Variants in CNTNAP2 observed in about 807,000 individuals in gnomAD.
CNTNAP2 encodes the protein contactin associated protein 2.
In CNTNAP2, 98 loss-of-function variants were observed where a neutral mutation model predicts 155.2. The observed-to-expected ratio is 0.63, with a 90% CI of 0.54 to 0.75. The LOEUF is 0.75. Among genes scored for constraint, CNTNAP2 ranks in the 30% least tolerant of loss-of-function variants. The pLI, the probability that CNTNAP2 is intolerant of heterozygous loss-of-function variation, is 0.00. For missense variants in CNTNAP2, 1,727 were observed against 1,688.1 expected (o/e 1.02, Z -0.40); for synonymous variants, 651 against 631.2 (o/e 1.03, Z -0.47).
intron 1 of CNTNAP2, among the ~76,000 whole-genome samples, chr7:146,727,267 C>T (rs920277286): frequency 6.6e-6 from 1 of 152,008 alleles, no homozygotes. Flanking sequence ...TTATGTACAC[C>T]GATTTTGGTA....
rs528153907 is a variant in CNTNAP2 at position 146,462,061 on chromosome 7, G to A, written c.98-312210G>A. On this transcript the variant is annotated intron_variant, in intron 1 of 23. Coordinates refer to ENST00000361727, the MANE Select transcript of CNTNAP2 (RefSeq NM_014141.6). ...TTCATTGAAGAAACTTCTATTTGGC[G>A]TAGTGAAAAGACATATTCTCTGAGG... Among the ~76,000 whole-genome samples, 258 of 152,020 alleles carry A rather than the reference G, an allele frequency of 1.7e-3. 2 individuals are homozygous for A. The highest frequency in any genetic ancestry group is 6.0e-3 in the African/African-American group (247 of 41,454).
At chr7:146,441,187 A>T (rs940110283) in intron 1 of CNTNAP2, among the ~76,000 whole-genome samples, 1 of 151,612 alleles carries the variant, frequency 6.6e-6, no homozygotes, top group South Asian at 2.1e-4. Context: ...AACTATAAAC[A>T]TATGTAATGA....
intron 20 of CNTNAP2, among the ~76,000 whole-genome samples, chr7:148,265,868 G>A (rs952795884): frequency 4.6e-5 from 7 of 152,294 alleles, no homozygotes; most frequent in East Asian, 1.9e-4. Flanking sequence ...ACTATTCATC[G>A]TAGTATGATG....
chr7:146,954,478 G>A (rs1568783), intron 3 of CNTNAP2, among the ~76,000 whole-genome samples: 151,909 of 152,074 alleles, frequency 1, 75,873 homozygotes, highest in Middle Eastern at 1. Flanking sequence ...ACTTCTTTAC[G>A]TAAATATTCT....
intron 8 of CNTNAP2, among the ~76,000 whole-genome samples, chr7:147,213,251 C>T (rs890673226): frequency 6.6e-5 from 10 of 152,126 alleles, no homozygotes; most frequent in African/African-American, 1.4e-4. Flanking sequence ...CAAATTCACC[C>T]TCTCTTCGTC....
chr7:147,134,545 A>T (rs1362944620), intron 8 of CNTNAP2, among the ~76,000 whole-genome samples: 3 of 151,790 alleles, frequency 2.0e-5, no homozygotes, highest in African/African-American at 7.2e-5. Flanking sequence ...ACATACATAC[A>T]TAGTGGAAAC....
chr7:148,002,203 C>A lies in CNTNAP2; in HGVS notation c.2383+24214C>A, dbSNP rs536258312. Reference sequence around the variant, plus strand: ...GTTTGATGGTTTAACTATGTTTTCTCCTTCATTTCTCCCATCCACCCTCCA... The same window carrying A: ...GTTTGATGGTTTAACTATGTTTTCTACTTCATTTCTCCCATCCACCCTCCA... On this transcript the variant is annotated intron_variant, in intron 15 of 23. Coordinates refer to ENST00000361727, the MANE Select transcript of CNTNAP2 (RefSeq NM_014141.6). Among the ~76,000 whole-genome samples the A allele has an allele frequency of 2.0e-5, 3 of 152,272 alleles. No individual in the cohort carries two copies. In the South Asian group the frequency reaches 6.2e-4, roughly 32 times the overall value.
chr7:147,499,168 T>G (rs1420537847), intron 11 of CNTNAP2, among the ~76,000 whole-genome samples: 1 of 152,182 alleles, frequency 6.6e-6, no homozygotes, highest in East Asian at 1.9e-4. Flanking sequence ...GAGCTTGTTA[T>G]CCACAGACTT....
At chr7:147,814,574 A>C (rs1297664153) in intron 13 of CNTNAP2, among the ~76,000 whole-genome samples, 1 of 152,052 alleles carries the variant, frequency 6.6e-6, no homozygotes, top group East Asian at 1.9e-4. Context: ...GCCCTTTAAA[A>C]CCTTCATTTT....
Position 147,113,739 on chromosome 7 carries a change from C to T in CNTNAP2, c.754+5389C>T, listed in dbSNP as rs140171725. ...ATACGATTTGGGTGGGAACACAGAG[C>T]CAGATCATATCAACCAGCTCCAGGA... On this transcript the variant is annotated intron_variant, in intron 5 of 23. Transcript: ENST00000361727. Among the ~76,000 whole-genome samples, 803 of 152,170 alleles carry T rather than the reference C, an allele frequency of 5.3e-3. 6 individuals are homozygous for T. The highest frequency in any genetic ancestry group is 0.014 in the Middle Eastern group (4 of 294).
At chr7:147,237,021 A>G (rs1337730337) in intron 8 of CNTNAP2, among the ~76,000 whole-genome samples, 3 of 133,818 alleles carry the variant, frequency 2.2e-5, no homozygotes, top group African/African-American at 8.3e-5. Flanking sequence ...GCCACCTATC[A>G]TGCCACTTCC....
chr7:148,118,348 G>A (rs1483885137), intron 16 of CNTNAP2, 60 bp downstream of exon 16: 52 of 1,577,994 alleles, frequency 3.3e-5, no homozygotes, highest in South Asian at 7.8e-5. Flanking sequence ...AGGGTGGTCC[G>A]GGTCCTGATT....
chr7:146,687,457 C>T (rs980687750), intron 1 of CNTNAP2, among the ~76,000 whole-genome samples: 5 of 152,014 alleles, frequency 3.3e-5, no homozygotes, highest in Non-Finnish European at 5.9e-5. Flanking sequence ...CTACAGTCCT[C>T]ATCATTGTCT....
At chr7:148,408,582 G>C (rs1007128006) in intron 22 of CNTNAP2, among the ~76,000 whole-genome samples, 1 of 152,200 alleles carries the variant, frequency 6.6e-6, no homozygotes. Flanking sequence ...GTGCCATCCA[G>C]TAGCCAGAGC....
chr7:146,929,863 A>T (rs1265154234), intron 3 of CNTNAP2, among the ~76,000 whole-genome samples: 1 of 152,200 alleles, frequency 6.6e-6, no homozygotes, highest in Non-Finnish European at 1.5e-5. Context: ...AATAAATGAA[A>T]TGAAGCGAGA....
chr7:148,183,221 C>A (rs564469406), intron 18 of CNTNAP2, among the ~76,000 whole-genome samples: 1 of 152,174 alleles, frequency 6.6e-6, no homozygotes. Context: ...GAGTGAGAGA[C>A]CCCCATGGAT....
At chr7:148,036,299 C>G (rs1028864843) in intron 15 of CNTNAP2, among the ~76,000 whole-genome samples, 2 of 152,158 alleles carry the variant, frequency 1.3e-5, no homozygotes, top group African/African-American at 4.8e-5. Flanking sequence ...TAATTTGAAA[C>G]TGTTCCCCAA....
At chr7:147,037,268 A>T (rs1201765791) in intron 3 of CNTNAP2, among the ~76,000 whole-genome samples, 1 of 151,972 alleles carries the variant, frequency 6.6e-6, no homozygotes. Flanking sequence ...CATCCATCAG[A>T]CTTTAAATTT....
At chr7:147,682,455 T>C (rs1187127987) in intron 13 of CNTNAP2, among the ~76,000 whole-genome samples, 3 of 151,978 alleles carry the variant, frequency 2.0e-5, no homozygotes, top group African/African-American at 4.8e-5. Context: ...CATGAACTAA[T>C]GTTAAAGTAG....
Sources: allele counts gnomAD v4.1 joint callset (sites outside exome capture counted in the v4.1 genomes callset), GRCh38; gene constraint gnomAD v4.1.1; transcripts MANE v1.5; gene names NCBI Gene and HGNC (gene_info 2026-07-23, HGNC 2026-07-21).